The following SPIRE2 variants were observed in gnomAD, a reference collection of about 807,000 sequenced individuals.
SPIRE2 encodes the protein spire type actin nucleation factor 2, also known as protein spire homolog 2.
Under a neutral mutation model 80.7 loss-of-function variants are expected in SPIRE2, and 76 were observed. The ratio of observed to expected loss-of-function variants is 0.94; its 90% CI spans 0.78 to 1.14. SPIRE2 has a LOEUF of 1.14. SPIRE2 is among the 50% of genes most tolerant of loss of function. The pLI is 0.00. For missense variants in SPIRE2, 1,196 were observed against 1,015.3 expected, an observed-to-expected ratio of 1.18 and a Z score of -2.42; for synonymous variants, 535 against 432.6, an observed-to-expected ratio of 1.24 and a Z score of -2.94.
intron 5 of SPIRE2, among the ~76,000 whole-genome samples, chr16:89,855,150 C>T (rs181274746): frequency 5.3e-5 from 8 of 152,082 alleles, no homozygotes; most frequent in Admixed American, 1.3e-4. Flanking sequence ...GTGTTAGCCA[C>T]GATGGTCTCG....
intron 1 of SPIRE2, among the ~76,000 whole-genome samples, chr16:89,833,936 GGTGTGAGCTGGGTGTGTCTCT>G (rs1479338445): frequency 6.6e-6 from 1 of 152,134 alleles, no homozygotes; most frequent in African/African-American, 2.4e-5. Flanking sequence ...TGTGGGTGTG[GGTGTGAGCTGGGTGTGTCTCT>G]GTGTGAGCTG....
chr16:89,838,407 C>A (rs1040540552), intron 1 of SPIRE2, among the ~76,000 whole-genome samples: 3 of 152,068 alleles, frequency 2.0e-5, no homozygotes, highest in African/African-American at 7.2e-5. Context: ...TGGTCTTGAA[C>A]CCCTTACCTC....
At chr16:89,861,486 T>C (rs1392641505) in intron 10 of SPIRE2, among the ~76,000 whole-genome samples, 1 of 152,208 alleles carries the variant, frequency 6.6e-6, no homozygotes, top group African/African-American at 2.4e-5. Flanking sequence ...GGGCCTGCCC[T>C]GTTAGCCTAG....
At position 89,868,278 on chromosome 16, in the gene SPIRE2, G is replaced by T. The variant is rs372693809; in HGVS notation, c.1806+62G>T. The stretch of plus-strand genomic sequence containing the variant: ...GCAGATGAGGGGCTCCACTGGCTTT[G>T]ATTGGATGTGTTGGATGATGCTGCC... On this transcript the variant is annotated intron_variant, in intron 13 of 14. Coordinates refer to ENST00000378247, the MANE Select transcript of SPIRE2 (RefSeq NM_032451.2). The T allele has an allele frequency of 2.6e-6, 4 of 1,544,858 alleles. No individual in the cohort carries two copies. In the South Asian group the frequency reaches 4.5e-5, roughly 17 times the overall value.
In SPIRE2 at chr16:89,855,644, G is replaced by A; in HGVS notation, c.936G>A (p.Glu312=). Residue 312 remains glutamate (E), a synonymous_variant, in exon 6 of 15, where the codon GAG becomes GAA. Coordinates refer to ENST00000378247, the MANE Select transcript of SPIRE2 (RefSeq NM_032451.2). ...IPPRVKKDAH[E]LILDFIRSRP... The stretch of plus-strand genomic sequence containing the variant: ...CCCGGGTGAAGAAGGACGCTCACGA[G>A]CTCATCCTGGACTTTATCCGCTCAC... The A allele has an allele frequency of 6.2e-7, 1 of 1,612,874 alleles. No homozygotes were observed. The highest frequency in any genetic ancestry group is 1.1e-5 in the South Asian group (1 of 91,072).
intron 12 of SPIRE2, among the ~76,000 whole-genome samples, chr16:89,864,770 T>G (rs2041774964): frequency 6.6e-6 from 1 of 152,164 alleles, no homozygotes; most frequent in Non-Finnish European, 1.5e-5. Flanking sequence ...AGGATCAAAC[T>G]GTTCACAAGT....
intron 1 of SPIRE2, among the ~76,000 whole-genome samples, chr16:89,831,917 T>A (rs1352714361): frequency 1.4e-5 from 2 of 139,420 alleles, no homozygotes; most frequent in African/African-American, 5.0e-5. Context: ...AACCTGTTCA[T>A]CTCGCGGCCT....
At chr16:89,850,127 C>A (rs767217663) in intron 2 of SPIRE2, 177 bp from the exon 3 acceptor site, 1 of 716,098 alleles carries the variant, frequency 1.4e-6, no homozygotes, top group East Asian at 2.7e-5. Context: ...TGGGCCACCG[C>A]GCCCGGCCGG....
At chr16:89,868,276 T>C in intron 13 of SPIRE2, 60 bp downstream of exon 13, 1 of 1,556,268 alleles carries the variant, frequency 6.4e-7, no homozygotes, top group Non-Finnish European at 8.9e-7. Context: ...TCCACTGGCT[T>C]TGATTGGATG....
intron 8 of SPIRE2, among the ~76,000 whole-genome samples, chr16:89,858,784 GC>G (rs2041715886): frequency 6.6e-6 from 1 of 152,218 alleles, no homozygotes; most frequent in Non-Finnish European, 1.5e-5. Flanking sequence ...GCTGTCCCAG[GC>G]CCCGGAAACT....
Position 89,859,307 on chromosome 16 carries a change from C to T in SPIRE2, c.1415C>T (p.Pro472Leu). ...CCAGGAGGGACGGAGCCACCACGGC[C>T]CCGAGCTGGCAGTGCGCATGTGTGG... ...HPPGGTEPPR[P>L]RAGSAHVWRP... Residue 472 changes from proline to leucine, a missense_variant, in exon 9 of 15, where the codon CCC becomes CTC. By Grantham distance (98) the Pro-to-Leu change is moderately conservative. Coordinates refer to ENST00000378247, the MANE Select transcript of SPIRE2 (RefSeq NM_032451.2). 1 of 1,596,800 alleles carries T rather than the reference C, an allele frequency of 6.3e-7. No individual in the cohort carries two copies. The highest frequency in any genetic ancestry group is 8.5e-7 in the Non-Finnish European group (1 of 1,176,940).
intron 12 of SPIRE2, among the ~76,000 whole-genome samples, chr16:89,866,898 C>T (rs62056096): frequency 0.063 from 9,536 of 152,128 alleles, 490 homozygotes; most frequent in East Asian, 0.25. Context: ...CTTGAGCCAC[C>T]GCGCCCAGCC....
chr16:89,832,847 G>T (rs1598215054), intron 1 of SPIRE2, among the ~76,000 whole-genome samples: 1 of 152,216 alleles, frequency 6.6e-6, no homozygotes, highest in East Asian at 1.9e-4. Flanking sequence ...TTGGGACAGA[G>T]TTTCGCTCTT....
rs1310502943 is a variant in SPIRE2 at position 89,845,335 on chromosome 16, G to A, written c.258G>A (p.Met86Ile). The A allele has an allele frequency of 5.0e-6, 8 of 1,614,138 alleles. No individual in the cohort carries two copies. The highest frequency in any genetic ancestry group is 5.1e-6 in the Non-Finnish European group (6 of 1,180,002). ...CTTCTCTTACAGAACCTGCAACCAT[G>A]GTCGTGCCACTAGCCAGCTCGGAAG... is the stretch of plus-strand genomic sequence containing the variant. The part of the protein sequence containing the change: ...REPEAAEPAT[M>I]VVPLASSEAQ... The change falls in exon 2 of 15, where the codon ATG (methionine) becomes ATA (isoleucine). Residue 86 changes from methionine to isoleucine, a missense_variant. Physicochemically the swap from Met to Ile is conservative, Grantham distance 10. Coordinates refer to ENST00000378247, the MANE Select transcript of SPIRE2 (RefSeq NM_032451.2).
At chr16:89,840,783 C>G (rs1273990062) in intron 1 of SPIRE2, among the ~76,000 whole-genome samples, 1 of 150,152 alleles carries the variant, frequency 6.7e-6, no homozygotes, top group Non-Finnish European at 1.5e-5. Flanking sequence ...CTACAGGTGC[C>G]CGCCACCACG....
At chr16:89,864,248 A>T (rs55911767) in intron 12 of SPIRE2, among the ~76,000 whole-genome samples, 2 of 151,958 alleles carry the variant, frequency 1.3e-5, no homozygotes, top group Admixed American at 1.3e-4. Flanking sequence ...CGGACTCCCC[A>T]GATGGAGGAG....
intron 3 of SPIRE2, among the ~76,000 whole-genome samples, chr16:89,852,654 G>A (rs199811043): frequency 3.7e-5 from 1 of 27,140 alleles, no homozygotes; most frequent in Non-Finnish European, 7.0e-5. Flanking sequence ...CTCACCCCCC[G>A]GATCCCATGG....
intron 7 of SPIRE2, 40 bp from the exon 8 acceptor site, chr16:89,858,298 C>T (rs745943704): frequency 1.0e-4 from 155 of 1,518,716 alleles, no homozygotes; most frequent in South Asian, 4.7e-4. Context: ...GCTGTCTCCC[C>T]GTTCACTGGC....
Position 89,828,646 on chromosome 16 carries a change from G to A in SPIRE2, c.96G>A (p.Glu32=), listed in dbSNP as rs760672000. 3.7e-6 allele frequency: 5 copies of A among 1,363,602 alleles called. No individual in the cohort carries two copies. Among genetic ancestry groups the A allele is most frequent in the East Asian group, 6.7e-5 (2 of 30,010 alleles). The allele number at this position is 1,363,602 out of a possible 1,614,324, so 84.5% of individuals were successfully genotyped here. ...LSLEEVLKAY[E]QPLNEEQAWA... ...TGGAGGAGGTGCTGAAGGCCTACGAGCAGCCGCTCAACGAGGAGCAGGCGT... is the reference window on the plus strand; with the variant it reads ...TGGAGGAGGTGCTGAAGGCCTACGAACAGCCGCTCAACGAGGAGCAGGCGT... The change falls in exon 1 of 15, where the codon GAG becomes GAA. Residue 32 remains glutamate (E), a synonymous_variant. Coordinates refer to ENST00000378247, the MANE Select transcript of SPIRE2 (RefSeq NM_032451.2). This position sits in a 1 kb window ranked among gnomAD's most constrained non-coding sequence, Gnocchi z 5.9.
Sources: gnomAD v4.1 joint callset for allele counts (sites outside exome capture counted in the v4.1 genomes callset) on GRCh38, gnomAD v4.1.1 for gene constraint, Gnocchi (gnomAD v3.1) non-coding constraint, MANE v1.5 for transcripts, NCBI Gene and HGNC (gene_info 2026-07-23, HGNC 2026-07-21) for gene names.